Variants in GPRC6A observed in about 807,000 individuals in gnomAD.
GPRC6A encodes G protein-coupled receptor class C group 6 member A, also known as G protein-coupled receptor family C group 6 member A.
GPRC6A carries 54 observed loss-of-function variants against 47.0 expected under a neutral mutation model. The ratio of observed to expected loss-of-function variants is 1.15; its 90% CI spans 0.92 to 1.44. The LOEUF is 1.44. GPRC6A is among the 40% of genes most tolerant of loss of function. GPRC6A has a pLI of 0.00. For synonymous variants in GPRC6A, 347 were observed against 377.1 expected (o/e 0.92, Z 0.93); for missense variants, 1,112 against 1,105.5 (o/e 1.01, Z -0.08).
chr6:116,812,086 A>G (rs1373249718), intron 1 of GPRC6A, among the ~76,000 whole-genome samples: 1 of 152,212 alleles, frequency 6.6e-6, no homozygotes, highest in Non-Finnish European at 1.5e-5. Flanking sequence ...CAAAATGTCT[A>G]AAGTCAATGA....
Position 116,828,996 on chromosome 6 carries a change from T to C in GPRC6A, c.18A>G (p.Ile6Met). 5.0e-6 allele frequency: 8 copies of C among 1,611,640 alleles called. No individual in the cohort carries two copies. The highest frequency in any genetic ancestry group is 1.3e-5 in the African/African-American group (1 of 74,944). The change falls in exon 1 of 6, where the codon ATA becomes ATG. Residue 6 changes from isoleucine (I) to methionine (M), a missense_variant. By Grantham distance (10) the Ile-to-Met change is conservative. Transcript: ENST00000310357. ...GAATAATCACAAAGCAGGTAATTAG[T>C]ATAATTAAGAATGCCATGTTTCTAT... is the stretch of plus-strand genomic sequence containing the variant. MAFLI[I>M]LITCFVIILA...
rs373573503 is a variant in GPRC6A, at chr6:116,807,171, G to T, written c.534C>A (p.Asp178Glu). 6.2e-7 allele frequency: 1 copy of T among 1,613,082 alleles called. No individual in the cohort carries two copies. Among genetic ancestry groups the T allele is most frequent in the Non-Finnish European group, 8.5e-7 (1 of 1,179,460 alleles). The change falls in exon 3 of 6, where the codon GAC (aspartate) becomes GAA (glutamate). Residue 178 changes from aspartate to glutamate, a missense_variant. Physicochemically the swap from Asp to Glu is conservative, Grantham distance 45. Transcript: ENST00000310357. ...GYESTAEILS[D>E]KIRFPSFLRT... ...GTAAAAATGAAGGAAAGCGAATTTT[G>T]TCACTCAGGATTTCTGCAGTTGATT...
In GPRC6A at chr6:116,792,135, G is replaced by A; in HGVS notation, c.*7C>T. 6.2e-7 allele frequency: 1 copy of A among 1,606,806 alleles called. No homozygotes were observed. The highest frequency in any genetic ancestry group is 8.5e-7 in the Non-Finnish European group (1 of 1,175,924). ...TATTCTGGAATGTGGCATCTCCTAA[G>A]GCTTATTCATATACTTGACATTCTT... On this transcript the variant is annotated 3_prime_UTR_variant, in exon 6 of 6. Transcript: ENST00000310357.
In GPRC6A at chr6:116,828,809, G is replaced by C; in HGVS notation, c.194+11C>G. 1.9e-6 allele frequency: 3 copies of C among 1,598,496 alleles called. No individual in the cohort carries two copies. Among genetic ancestry groups the C allele is most frequent in the Admixed American group, 3.4e-5 (2 of 58,682 alleles). ...CTTGAAATCTAAACGTGTTTTTTGA[G>C]ACTTACTCACCCAACACACTCCTGG... On this transcript the variant is annotated intron_variant, in intron 1 of 5. Transcript: ENST00000310357.
At position 116,816,829 on chromosome 6, in the gene GPRC6A, A is replaced by C. The variant is rs1011801304; in HGVS notation, c.195-7212T>G. Among the ~76,000 whole-genome samples, 6 of 152,112 alleles carry C rather than the reference A, an allele frequency of 3.9e-5. No homozygotes were observed. The East Asian group carries it at 5.8e-4, about 15-fold the overall frequency. On this transcript the variant is annotated intron_variant, in intron 1 of 5. Transcript: ENST00000310357. ...CACCCGAATACTGCGCTTTTCTGAC[A>C]GGCTTAAAAAACGGCGCACTACGAG...
intron 1 of GPRC6A, among the ~76,000 whole-genome samples, chr6:116,816,802 C>T (rs1287426516): frequency 6.6e-6 from 1 of 152,208 alleles, no homozygotes; most frequent in Non-Finnish European, 1.5e-5. Flanking sequence ...TCGGGTCACT[C>T]CCACCCGAAT....
At chr6:116,813,824 T>A (rs748687403) in intron 1 of GPRC6A, among the ~76,000 whole-genome samples, 1 of 152,050 alleles carries the variant, frequency 6.6e-6, no homozygotes, top group Non-Finnish European at 1.5e-5. Context: ...AACAGGCAAC[T>A]TACAGAATGG....
intron 3 of GPRC6A, among the ~76,000 whole-genome samples, chr6:116,801,083 A>C (rs1402707511): frequency 6.6e-6 from 1 of 152,168 alleles, no homozygotes; most frequent in Non-Finnish European, 1.5e-5. Flanking sequence ...ACAGAATTTT[A>C]GAATGGGTCC....
At chr6:116,825,922 A>G (rs1196378821) in intron 1 of GPRC6A, among the ~76,000 whole-genome samples, 1 of 152,028 alleles carries the variant, frequency 6.6e-6, no homozygotes. Context: ...GATTTTTGAC[A>G]AAGGAGCCAA....
intron 1 of GPRC6A, among the ~76,000 whole-genome samples, chr6:116,821,959 C>T (rs766546399): frequency 6.7e-6 from 1 of 148,502 alleles, no homozygotes; most frequent in East Asian, 1.9e-4. Flanking sequence ...ACAACCTACT[C>T]ATCTGACAAA....
chr6:116,804,009 A>G (rs1772760075), intron 3 of GPRC6A, among the ~76,000 whole-genome samples: 1 of 152,042 alleles, frequency 6.6e-6, no homozygotes, highest in Non-Finnish European at 1.5e-5. Context: ...TTCACCACTC[A>G]ACACACTGCC....
intron 1 of GPRC6A, among the ~76,000 whole-genome samples, chr6:116,811,869 A>G (rs1370379568): frequency 1.3e-5 from 2 of 152,192 alleles, no homozygotes; most frequent in East Asian, 1.9e-4. Context: ...CAAAGCCTTC[A>G]TGGTATATGG....
intron 1 of GPRC6A, among the ~76,000 whole-genome samples, chr6:116,816,595 C>A (rs1056984832): frequency 6.6e-6 from 1 of 152,200 alleles, no homozygotes; most frequent in Admixed American, 6.5e-5. Flanking sequence ...ACGCAGAAGA[C>A]GGGTGATTTC....
chr6:116,800,903 GA>G (rs1446761680), intron 3 of GPRC6A, 107 bp from the exon 4 acceptor site: 3 of 674,776 alleles, frequency 4.4e-6, no homozygotes, highest in Non-Finnish European at 7.5e-6. Flanking sequence ...AAAAATGAGG[GA>G]AAAAAGATTA....
intron 1 of GPRC6A, among the ~76,000 whole-genome samples, chr6:116,818,884 A>C (rs1314038131): frequency 2.0e-5 from 3 of 152,116 alleles, no homozygotes; most frequent in Non-Finnish European, 4.4e-5. Context: ...AAATGGACTA[A>C]ATGCTCCAAT....
chr6:116,819,788 A>C (rs932377407), intron 1 of GPRC6A, among the ~76,000 whole-genome samples: 12 of 151,340 alleles, frequency 7.9e-5, no homozygotes, highest in African/African-American at 2.9e-4. Context: ...CTAACATCAC[A>C]ATTAAAAGAA....
intron 1 of GPRC6A, among the ~76,000 whole-genome samples, chr6:116,821,551 C>T (rs1489069022): frequency 1.3e-5 from 2 of 152,008 alleles, no homozygotes; most frequent in South Asian, 2.1e-4. Flanking sequence ...TCAGAAATAA[C>T]GTCACATATC....
chr6:116,802,732 G>A (rs907085434), intron 3 of GPRC6A, among the ~76,000 whole-genome samples: 13 of 152,046 alleles, frequency 8.6e-5, no homozygotes, highest in African/African-American at 2.7e-4. Context: ...GAATCACCAC[G>A]GGACAGGTCT....
chr6:116,818,652 A>G (rs570212296), intron 1 of GPRC6A, among the ~76,000 whole-genome samples: 1 of 151,010 alleles, frequency 6.6e-6, no homozygotes, highest in Non-Finnish European at 1.5e-5. Flanking sequence ...CAGACAAGCA[A>G]ATGCTGAGAG....
Sources: gnomAD v4.1 joint callset for allele counts (sites outside exome capture counted in the v4.1 genomes callset) on GRCh38, gnomAD v4.1.1 for gene constraint, MANE v1.5 for transcripts, NCBI Gene and HGNC (gene_info 2026-07-23, HGNC 2026-07-21) for gene names.